The following ABCB4 variants were observed in gnomAD, a reference collection of about 807,000 sequenced individuals.
ABCB4 encodes the protein phosphatidylcholine translocator ABCB4.
ABCB4 carries 76 observed loss-of-function variants against 145.7 expected under a neutral mutation model. That is an observed-to-expected ratio of 0.52 (90% CI 0.43 to 0.63). ABCB4 has a LOEUF of 0.63. Among genes scored for constraint, ABCB4 ranks in the 30% least tolerant of loss-of-function variants. The pLI is 0.00. For missense variants in ABCB4, 1,234 were observed against 1,553.1 expected, an observed-to-expected ratio of 0.79 and a Z score of 3.45; for synonymous variants, 517 against 566.8, an observed-to-expected ratio of 0.91 and a Z score of 1.25.
chr7:87,445,620 G>A (rs1811293787), intron 9 of ABCB4, among the ~76,000 whole-genome samples: 1 of 151,950 alleles, frequency 6.6e-6, no homozygotes, highest in Non-Finnish European at 1.5e-5. Flanking sequence ...ACTTAACTGA[G>A]AAAAACATAA....
chr7:87,432,433 G>A (rs1171508717), intron 14 of ABCB4, among the ~76,000 whole-genome samples: 1 of 152,154 alleles, frequency 6.6e-6, no homozygotes, highest in Non-Finnish European at 1.5e-5. Flanking sequence ...AATTAAAAAT[G>A]AGAGGCTAGA....
intron 2 of ABCB4, among the ~76,000 whole-genome samples, chr7:87,473,691 C>T (rs1340794644): frequency 2.6e-5 from 4 of 151,974 alleles, no homozygotes; most frequent in African/African-American, 7.3e-5. Flanking sequence ...TTATTTATGT[C>T]TGTCCTCCGT....
intron 3 of ABCB4, among the ~76,000 whole-genome samples, chr7:87,463,511 G>T (rs756172954): frequency 6.6e-6 from 1 of 152,196 alleles, no homozygotes; most frequent in African/African-American, 2.4e-5. Flanking sequence ...GTTTTCACCA[G>T]TGTCACCTGC....
the ABCB4 span, chr7:87,391,638 C>T: frequency 5.6e-6 from 9 of 1,609,822 alleles, no homozygotes; most frequent in South Asian, 3.3e-5. Context: ...TTATCATGGC[C>T]GTACAGAGAC....
At chr7:87,431,064 C>T (rs1487147072) in intron 15 of ABCB4, among the ~76,000 whole-genome samples, 2 of 152,148 alleles carry the variant, frequency 1.3e-5, no homozygotes, top group African/African-American at 2.4e-5. Flanking sequence ...AACTCAGAGC[C>T]GGGGCTCCTC....
At chr7:87,447,422 C>T (rs190742610) in intron 8 of ABCB4, among the ~76,000 whole-genome samples, 148 of 152,286 alleles carry the variant, frequency 9.7e-4, no homozygotes, top group African/African-American at 3.5e-3. Context: ...GTTCCATTTC[C>T]CTTCATCCAT....
chr7:87,426,589 T>C (rs1266413576), intron 16 of ABCB4, among the ~76,000 whole-genome samples, 161 bp downstream of exon 16: 1 of 152,244 alleles, frequency 6.6e-6, no homozygotes, highest in Non-Finnish European at 1.5e-5. Context: ...TTTCAATTCA[T>C]TGTCAAATAC....
the ABCB4 span, among the ~76,000 whole-genome samples, chr7:87,380,327 G>A: frequency 6.6e-6 from 1 of 152,258 alleles, no homozygotes; most frequent in African/African-American, 2.4e-5. Flanking sequence ...AGGGTGCATA[G>A]GAAGCATGTA....
chr7:87,440,083 G>A, intron 13 of ABCB4, 116 bp downstream of exon 13: 1 of 1,269,130 alleles, frequency 7.9e-7, no homozygotes, highest in Non-Finnish European at 1.1e-6. Flanking sequence ...GACTTATCTA[G>A]CAAAGTTGGA....
At chr7:87,371,544 G>C in the ABCB4 span, among the ~76,000 whole-genome samples, 1 of 152,146 alleles carries the variant, frequency 6.6e-6, no homozygotes, top group Non-Finnish European at 1.5e-5. Context: ...TTTGATATTA[G>C]AAGTGAAATG....
rs1562950449 is a variant in ABCB4 at position 87,408,036 on chromosome 7, C to T, written c.3279+1G>A. 2 of 1,613,442 alleles carry T rather than the reference C, an allele frequency of 1.2e-6. No individual in the cohort carries two copies. Among genetic ancestry groups the T allele is most frequent in the Non-Finnish European group, 1.7e-6 (2 of 1,180,016 alleles). Reference sequence around the variant, plus strand: ...ATCAAGTTATAAGGAAATGTGCTCACCACTGTCCCCGCCAAGGGGTCGTAG... The same window carrying T: ...ATCAAGTTATAAGGAAATGTGCTCATCACTGTCCCCGCCAAGGGGTCGTAG... On this transcript the variant is annotated splice_donor_variant, in intron 25 of 27. Coordinates refer to ENST00000649586, the MANE Select transcript of ABCB4 (RefSeq NM_000443.4). LOFTEE classifies it high-confidence loss of function.
chr7:87,403,132 C>G lies in ABCB4; in HGVS notation c.3633+3G>C. 2 of 1,614,024 alleles carry G rather than the reference C, an allele frequency of 1.2e-6. No homozygotes were observed. Among genetic ancestry groups the G allele is most frequent in the Non-Finnish European group, 1.7e-6 (2 of 1,179,908 alleles). On this transcript the variant is annotated splice_donor_region_variant and intron_variant, in intron 27 of 27. Coordinates refer to ENST00000649586, the MANE Select transcript of ABCB4 (RefSeq NM_000443.4). ...AAGACATAAGTTGGGAGGCCACACACACCTTTTCACTTTCAGTATCCAGAG... is the reference window on the plus strand; with the variant it reads ...AAGACATAAGTTGGGAGGCCACACAGACCTTTTCACTTTCAGTATCCAGAG...
At chr7:87,473,367 G>A (rs1490245291) in intron 2 of ABCB4, among the ~76,000 whole-genome samples, 1 of 152,040 alleles carries the variant, frequency 6.6e-6, no homozygotes, top group Non-Finnish European at 1.5e-5. Context: ...TGCTTACTCT[G>A]CTCCAACCAG....
At chr7:87,456,493 C>G (rs1397856286) in intron 4 of ABCB4, among the ~76,000 whole-genome samples, 2 of 152,154 alleles carry the variant, frequency 1.3e-5, no homozygotes, top group African/African-American at 2.4e-5. Context: ...CCTGCTCCCT[C>G]TCTCTCCATG....
At chr7:87,375,892 G>A in the ABCB4 span, 1,711 of 1,613,152 alleles carry the variant, frequency 1.1e-3, 3 homozygotes, top group Non-Finnish European at 1.3e-3. Context: ...ATTCAGAGTA[G>A]TTTACTGGTA....
At chr7:87,447,549 A>C (rs1386138923) in intron 8 of ABCB4, among the ~76,000 whole-genome samples, 1 of 152,202 alleles carries the variant, frequency 6.6e-6, no homozygotes, top group Non-Finnish European at 1.5e-5. Context: ...AGAGGGAATG[A>C]GAGAAACCAA....
intron 13 of ABCB4, 72 bp downstream of exon 13, chr7:87,440,126 CT>C (rs780374032): frequency 3.2e-5 from 48 of 1,501,450 alleles, no homozygotes; most frequent in Non-Finnish European, 4.3e-5. Flanking sequence ...TTAGCTAAAC[CT>C]TTGAAGAATA....
the ABCB4 span, among the ~76,000 whole-genome samples, chr7:87,379,229 G>C: frequency 6.6e-6 from 1 of 152,180 alleles, no homozygotes; most frequent in East Asian, 1.9e-4. Flanking sequence ...CCTCTTAACA[G>C]TATTTTCCTC....
At chr7:87,467,663 A>G (rs1813017949) in intron 3 of ABCB4, among the ~76,000 whole-genome samples, 1 of 152,248 alleles carries the variant, frequency 6.6e-6, no homozygotes, top group African/African-American at 2.4e-5. Flanking sequence ...CTCCTCAGCA[A>G]ATGTAAAAGA....
Sources: allele counts gnomAD v4.1 joint callset (sites outside exome capture counted in the v4.1 genomes callset), GRCh38; gene constraint gnomAD v4.1.1; transcripts MANE v1.5; gene names NCBI Gene and HGNC (gene_info 2026-07-23, HGNC 2026-07-21).